NAALADL2: variants seen among roughly 807,000 people sequenced by gnomAD.
NAALADL2 encodes the protein N-acetylated alpha-linked acidic dipeptidase like 2.
A neutral mutation model predicts 87.2 loss-of-function variants in NAALADL2; 76 were observed. That is an observed-to-expected ratio of 0.87 (90% CI 0.72 to 1.05). NAALADL2 has a LOEUF of 1.05. Among genes scored for constraint, NAALADL2 ranks in the 50% least tolerant of loss-of-function variants. NAALADL2 has a pLI of 0.00. For synonymous variants in NAALADL2, 354 were observed against 331.0 expected, an observed-to-expected ratio of 1.07 and a Z score of -0.75; for missense variants, 1,089 against 945.8, an observed-to-expected ratio of 1.15 and a Z score of -1.99.
At chr3:175,340,661 A>G (rs1762475828) in intron 5 of NAALADL2, among the ~76,000 whole-genome samples, 1 of 152,320 alleles carries the variant, frequency 6.6e-6, no homozygotes, top group African/African-American at 2.4e-5. Context: ...CCCCTGCCAC[A>G]GTTAAGATGC....
At chr3:175,136,397 A>G (rs999586970) in intron 2 of NAALADL2, among the ~76,000 whole-genome samples, 1 of 152,188 alleles carries the variant, frequency 6.6e-6, no homozygotes, top group Non-Finnish European at 1.5e-5. Context: ...ATAAAGCTCA[A>G]CTATTCCAGT....
intron 3 of NAALADL2, among the ~76,000 whole-genome samples, chr3:174,763,589 A>AAAAAAAAAAAAAAAAAAAAAAAAG (rs1713365154): frequency 6.8e-6 from 1 of 148,134 alleles, no homozygotes; most frequent in Non-Finnish European, 1.5e-5. Context: ...TCCATCTCAA[A>AAAAAAAAAAAAAAAAAAAAAAAAG]AAAAAAAAAA....
chr3:174,712,380 C>CTTTTTTTTTTTTTT (rs1169827021), intron 2 of NAALADL2, among the ~76,000 whole-genome samples: 2 of 70,432 alleles, frequency 2.8e-5, no homozygotes, highest in Non-Finnish European at 4.9e-5. Context: ...TTCTCCTCTT[C>CTTTTTTTTTTTTTT]TTTTTTTTTT....
chr3:175,022,849 GA>G (rs11293958), intron 1 of NAALADL2, among the ~76,000 whole-genome samples: 23,967 of 151,988 alleles, frequency 0.16, 2,405 homozygotes, highest in African/African-American at 0.26. Context: ...CCATCCACTT[GA>G]AAATTTGTGA....
intron 11 of NAALADL2, among the ~76,000 whole-genome samples, chr3:175,644,640 G>C (rs1729750983): frequency 6.6e-6 from 1 of 152,018 alleles, no homozygotes; most frequent in Admixed American, 6.6e-5. Flanking sequence ...TTTAGACACA[G>C]AATTTTAAAG....
intron 2 of NAALADL2, among the ~76,000 whole-genome samples, chr3:174,706,157 A>G (rs1314118593): frequency 6.6e-6 from 1 of 152,226 alleles, no homozygotes; most frequent in Non-Finnish European, 1.5e-5. Flanking sequence ...AAACTCTCAC[A>G]TACACAATCG....
intron 3 of NAALADL2, among the ~76,000 whole-genome samples, chr3:174,739,948 TTAAAG>T (rs1418773985): frequency 1.4e-4 from 21 of 152,164 alleles, no homozygotes; most frequent in Admixed American, 5.9e-4. Context: ...ATGTTAGCAG[TTAAAG>T]TAAAGCTATT....
rs1161374553 is a variant in NAALADL2, at chr3:174,830,484, G to A, written c.-9+92738G>A. On this transcript the variant is annotated intron_variant, in intron 3 of 3. Coordinates refer to the NAALADL2 transcript ENST00000434257. ...TCCATTGATCTATATCTCTGTTTTG[G>A]TACCAGTACCATGCTGTTTTGGTTA... Among the ~76,000 whole-genome samples, 10 of 151,788 alleles carry A rather than the reference G, an allele frequency of 6.6e-5. No homozygotes were observed. In the East Asian group the frequency reaches 1.8e-3, roughly 27 times the overall value.
At chr3:175,593,948 G>GA (rs779310212) in intron 10 of NAALADL2, among the ~76,000 whole-genome samples, 3 of 151,580 alleles carry the variant, frequency 2.0e-5, no homozygotes, top group Non-Finnish European at 4.4e-5. Context: ...TTATTTTTAG[G>GA]AAATAGGTTT....
intron 3 of NAALADL2, among the ~76,000 whole-genome samples, chr3:174,768,104 T>C (rs1714078613): frequency 6.6e-6 from 1 of 152,172 alleles, no homozygotes; most frequent in South Asian, 2.1e-4. Context: ...GAAAAGAGGT[T>C]TTGGAGAACA....
intron 10 of NAALADL2, 101 bp downstream of exon 10, chr3:175,576,288 C>T (rs988705275): frequency 1.1e-5 from 12 of 1,094,340 alleles, no homozygotes; most frequent in Non-Finnish European, 1.6e-5. Flanking sequence ...AAATAGGTCA[C>T]TATAGAAAAG....
At chr3:174,534,633 T>C (rs898382533) in intron 1 of NAALADL2, among the ~76,000 whole-genome samples, 6 of 152,146 alleles carry the variant, frequency 3.9e-5, no homozygotes, top group African/African-American at 1.4e-4. Context: ...CAAGAACACC[T>C]TTCCTACCAT....
Position 175,718,576 on chromosome 3 carries a change from G to T in NAALADL2, c.1897-18730G>T, listed in dbSNP as rs1051028259. 1.2e-4 allele frequency: 192 copies of T among 1,592,804 alleles called. No individual in the cohort carries two copies. In the South Asian group the frequency reaches 1.8e-3, roughly 15 times the overall value. On this transcript the variant is annotated intron_variant, in intron 11 of 13. Coordinates refer to ENST00000454872, the MANE Select transcript of NAALADL2 (RefSeq NM_207015.3). ...CATCTTCTAGATCCCAGCTAACTGT[G>T]CCATCTCCTACTCCTTTCTGGCCTT... is the stretch of plus-strand genomic sequence containing the variant.
chr3:174,672,355 T>C (rs1005905193), intron 2 of NAALADL2, among the ~76,000 whole-genome samples: 4 of 152,054 alleles, frequency 2.6e-5, no homozygotes, highest in African/African-American at 9.7e-5. Flanking sequence ...AAAAGATGTG[T>C]GGAAAATTGT....
chr3:175,030,728 C>A (rs995567151), intron 1 of NAALADL2, among the ~76,000 whole-genome samples: 1 of 151,978 alleles, frequency 6.6e-6, no homozygotes, highest in African/African-American at 2.4e-5. Flanking sequence ...AGAAGTGTAG[C>A]AGTACAAATC....
chr3:175,580,271 G>A (rs1277470567), intron 10 of NAALADL2, among the ~76,000 whole-genome samples: 3 of 152,070 alleles, frequency 2.0e-5, no homozygotes, highest in African/African-American at 7.2e-5. Context: ...TTTTAACATT[G>A]AGGTAATTCT....
intron 11 of NAALADL2, among the ~76,000 whole-genome samples, chr3:175,668,009 C>A (rs1733446492): frequency 6.6e-6 from 1 of 152,116 alleles, no homozygotes; most frequent in Non-Finnish European, 1.5e-5. Context: ...CATCATCACA[C>A]AGCACTGATA....
intron 2 of NAALADL2, among the ~76,000 whole-genome samples, chr3:174,725,596 C>G (rs1054152391): frequency 6.6e-6 from 1 of 151,362 alleles, no homozygotes; most frequent in Non-Finnish European, 1.5e-5. Flanking sequence ...TGGAGATCTA[C>G]TACATGGTTC....
chr3:175,409,707 A>G (rs1242414951), intron 5 of NAALADL2, among the ~76,000 whole-genome samples: 1 of 144,214 alleles, frequency 6.9e-6, no homozygotes, highest in African/African-American at 2.9e-5. Context: ...TTCAGTTATT[A>G]AAAAAAGTAG....
Sources: allele counts gnomAD v4.1 joint callset (sites outside exome capture counted in the v4.1 genomes callset), GRCh38; gene constraint gnomAD v4.1.1; transcripts MANE v1.5; gene names NCBI Gene and HGNC (gene_info 2026-07-23, HGNC 2026-07-21).